Variants in CRTC1 observed in about 807,000 individuals in gnomAD.
The protein encoded by CRTC1 is CREB regulated transcription coactivator 1.
In CRTC1, 18 loss-of-function variants were observed where a neutral mutation model predicts 66.1. The observed-to-expected ratio is 0.27, with a 90% CI of 0.19 to 0.40. The LOEUF is 0.40. CRTC1 is among the 10% of genes least tolerant of loss of function. The pLI is 1.00. For synonymous variants in CRTC1, 416 were observed against 398.8 expected (o/e 1.04, Z -0.51); for missense variants, 669 against 887.9 (o/e 0.75, Z 3.13).
At chr19:18,716,117 C>A (rs191459814) in intron 1 of CRTC1, among the ~76,000 whole-genome samples, 295 of 152,230 alleles carry the variant, frequency 1.9e-3, no homozygotes, top group Middle Eastern at 0.01. Context: ...CGCTGCCCTG[C>A]CCAGTGCCCC....
At chr19:18,733,069 A>G (rs2053924754) in intron 1 of CRTC1, among the ~76,000 whole-genome samples, 1 of 151,506 alleles carries the variant, frequency 6.6e-6, no homozygotes, top group African/African-American at 2.4e-5. Flanking sequence ...CCTGGGCAAT[A>G]GGGCAAGACC....
At chr19:18,712,386 G>A (rs571418726) in intron 1 of CRTC1, among the ~76,000 whole-genome samples, 1 of 152,018 alleles carries the variant, frequency 6.6e-6, no homozygotes, top group South Asian at 2.1e-4. Context: ...AGCCTTCCTG[G>A]TAGTGAGATT....
At chr19:18,699,366 T>A (rs2053076351) in intron 1 of CRTC1, among the ~76,000 whole-genome samples, 1 of 152,238 alleles carries the variant, frequency 6.6e-6, no homozygotes, top group South Asian at 2.1e-4. Context: ...TCTAAGCAAA[T>A]CCTGAGCCTG....
At chr19:18,757,006 G>A (rs751350719) in intron 6 of CRTC1, among the ~76,000 whole-genome samples, 15 of 152,230 alleles carry the variant, frequency 9.9e-5, no homozygotes, top group Non-Finnish European at 1.2e-4. Context: ...CCCGCCGGTC[G>A]CACGCCACCC....
At chr19:18,693,648 C>T (rs60226820) in intron 1 of CRTC1, among the ~76,000 whole-genome samples, 2 of 150,490 alleles carry the variant, frequency 1.3e-5, no homozygotes, top group Non-Finnish European at 3.0e-5. Flanking sequence ...TGCCCGGCTA[C>T]TTTTTTTTGT....
At position 18,760,250 on chromosome 19, in the gene CRTC1, C is replaced by T; in HGVS notation, c.886+22C>T. The T allele has an allele frequency of 6.5e-7, 1 of 1,547,142 alleles. No homozygotes were observed. On this transcript the variant is annotated intron_variant, in intron 8 of 13. Coordinates refer to ENST00000321949, the MANE Select transcript of CRTC1 (RefSeq NM_015321.3). The surrounding 1 kb of genome is among the most constrained non-coding windows in gnomAD (Gnocchi z 6.2). ...CAGGGTAAGGCAGGGACACTCCGCC[C>T]TCGGACAGAGCACTGGCTTGTGGAG... is the stretch of plus-strand genomic sequence containing the variant.
At chr19:18,740,830 A>G (rs2054095310) in intron 1 of CRTC1, among the ~76,000 whole-genome samples, 1 of 149,906 alleles carries the variant, frequency 6.7e-6, no homozygotes, top group Admixed American at 6.7e-5. Flanking sequence ...ATGGTGAAAA[A>G]CTCTGTCTCT....
At chr19:18,728,414 T>A (rs2053808786) in intron 1 of CRTC1, among the ~76,000 whole-genome samples, 1 of 152,160 alleles carries the variant, frequency 6.6e-6, no homozygotes, top group African/African-American at 2.4e-5. Context: ...GTATCAGAGA[T>A]CCCGATTTCA....
chr19:18,704,085 G>T (rs927551820), intron 1 of CRTC1, among the ~76,000 whole-genome samples: 4 of 152,188 alleles, frequency 2.6e-5, no homozygotes, highest in Admixed American at 1.3e-4. Flanking sequence ...TTTTGGTGGG[G>T]ATCCCACAGA....
At chr19:18,754,566 T>C (rs774821595) in intron 6 of CRTC1, among the ~76,000 whole-genome samples, 1 of 152,186 alleles carries the variant, frequency 6.6e-6, no homozygotes, top group Non-Finnish European at 1.5e-5. Context: ...AATTCAATCA[T>C]TGAGAGTTGA....
chr19:18,748,906 G>GC (rs2054304858), intron 4 of CRTC1, among the ~76,000 whole-genome samples: 1 of 152,138 alleles, frequency 6.6e-6, no homozygotes, highest in Non-Finnish European at 1.5e-5. Context: ...AATGAATGGA[G>GC]CTTTATGGAG....
chr19:18,726,415 T>C (rs1196918767), intron 1 of CRTC1, among the ~76,000 whole-genome samples: 1 of 152,194 alleles, frequency 6.6e-6, no homozygotes, highest in Admixed American at 6.5e-5. Flanking sequence ...GTGAGAGCCA[T>C]GGGCATCTGC....
intron 1 of CRTC1, among the ~76,000 whole-genome samples, chr19:18,721,350 T>C (rs965569568): frequency 2.4e-4 from 37 of 152,094 alleles, no homozygotes; most frequent in African/African-American, 8.7e-4. Context: ...CCCGCCACCA[T>C]GCCCGGCTAA....
intron 1 of CRTC1, among the ~76,000 whole-genome samples, chr19:18,704,439 C>T (rs146354537): frequency 1.3e-5 from 2 of 152,222 alleles, no homozygotes; most frequent in African/African-American, 2.4e-5. Flanking sequence ...TGGCCAGATG[C>T]GGTAGCTCTT....
intron 1 of CRTC1, among the ~76,000 whole-genome samples, chr19:18,687,544 A>G (rs576167147): frequency 6.6e-6 from 1 of 152,254 alleles, no homozygotes; most frequent in South Asian, 2.1e-4. Flanking sequence ...ATGAACCTAT[A>G]TGATGTGGGC....
intron 1 of CRTC1, among the ~76,000 whole-genome samples, chr19:18,692,650 C>T (rs184687521): frequency 1.3e-5 from 2 of 151,352 alleles, no homozygotes; most frequent in Admixed American, 6.6e-5. Flanking sequence ...ACCAGGTCCA[C>T]GTGCTCTGGG....
chr19:18,754,720 A>G (rs769424010), intron 6 of CRTC1, among the ~76,000 whole-genome samples: 7 of 152,214 alleles, frequency 4.6e-5, no homozygotes, highest in Non-Finnish European at 8.8e-5. Flanking sequence ...TTCTGAAGAA[A>G]TTTTAAACTC....
chr19:18,716,555 C>T (rs2053511849), intron 1 of CRTC1, among the ~76,000 whole-genome samples: 1 of 152,190 alleles, frequency 6.6e-6, no homozygotes, highest in Non-Finnish European at 1.5e-5. Context: ...TGGCCGGCTC[C>T]TGCATGACTC....
At chr19:18,684,332 C>G (rs1229443772) in intron 1 of CRTC1, among the ~76,000 whole-genome samples, 1 of 151,976 alleles carries the variant, frequency 6.6e-6, no homozygotes, top group Non-Finnish European at 1.5e-5. Flanking sequence ...GCCCCCGCAT[C>G]CTTGCTACCT....
Sources: allele counts gnomAD v4.1 joint callset (sites outside exome capture counted in the v4.1 genomes callset), GRCh38; gene constraint gnomAD v4.1.1; non-coding constraint Gnocchi (gnomAD v3.1); transcripts MANE v1.5; gene names NCBI Gene and HGNC (gene_info 2026-07-23, HGNC 2026-07-21).